Variants in SPDYE1 observed in about 807,000 individuals in gnomAD.
SPDYE1 encodes speedy/RINGO cell cycle regulator family member E1, also known as speedy protein E1.
A neutral mutation model predicts 45.9 loss-of-function variants in SPDYE1; 29 were observed. That is an observed-to-expected ratio of 0.63 (90% CI 0.47 to 0.86). The LOEUF (loss-of-function observed/expected upper bound fraction) is 0.86. Among genes scored for constraint, SPDYE1 ranks in the 40% least tolerant of loss-of-function variants. SPDYE1 has a pLI of 0.00. For missense variants in SPDYE1, 346 were observed against 481.4 expected (o/e 0.72, Z 2.63); for synonymous variants, 134 against 176.8 (o/e 0.76, Z 1.92).
intron 8 of SPDYE1, 69 bp downstream of exon 8, chr7:44,007,882 T>G (rs1183313524): frequency 7.7e-6 from 12 of 1,566,310 alleles, no homozygotes; most frequent in Non-Finnish European, 1.0e-5. Context: ...AGAACCCAAT[T>G]GCTTGATCCG....
rs2096060162 is a variant in SPDYE1 at position 43,999,782 on chromosome 7, G to A, written c.-168G>A. ...TGGTTGCCAGGTTGGCATGAACGAT[G>A]ACATCAGAGATTCCGACCTTCCTGA... On this transcript the variant is annotated 5_prime_UTR_variant, in exon 2 of 9. An upstream start codon of the reference 5' UTR is lost. Coordinates refer to ENST00000693451, the MANE Select transcript of SPDYE1 (RefSeq NM_001378423.2). Among the ~76,000 whole-genome samples, 1 of 146,184 alleles carries A rather than the reference G, an allele frequency of 6.8e-6. No homozygotes were observed. The highest frequency in any genetic ancestry group is 7.0e-5 in the Admixed American group (1 of 14,296).
chr7:43,999,996 G>A lies in SPDYE1; in HGVS notation c.47G>A (p.Gly16Glu), dbSNP rs2128775592. Residue 16 changes from glycine (G) to glutamate (E), a missense_variant, in exon 2 of 9, where the codon GGA (glycine) becomes GAA (glutamate). By Grantham distance (98) the Gly-to-Glu change is moderately conservative. Transcript: ENST00000693451. ...TRFRKRGQIT[G>E]KITTSRQPHR... ...TTCCGTAAGAGGGGACAGATTACGG[G>A]AAAGATCACGACCAGCCGTCAACCG... 1 of 984,770 alleles carries A rather than the reference G, an allele frequency of 1.0e-6. No homozygotes were observed. The highest frequency in any genetic ancestry group is 6.2e-5 in the Admixed American group (1 of 16,200). The allele number at this position is 984,770 out of a possible 1,614,324, so 61.0% of individuals were successfully genotyped here.
chr7:44,001,545 T>C (rs986714361), intron 3 of SPDYE1, among the ~76,000 whole-genome samples: 2 of 152,000 alleles, frequency 1.3e-5, no homozygotes, highest in African/African-American at 4.8e-5. Context: ...TCCTAGCACG[T>C]TGGGAGGCTG....
At chr7:44,008,001 G>T in intron 8 of SPDYE1, 188 bp downstream of exon 8, 3 of 1,446,404 alleles carry the variant, frequency 2.1e-6, no homozygotes, top group Non-Finnish European at 2.8e-6. Flanking sequence ...GGCCGAGGCG[G>T]GAGGATTGCT....
chr7:44,008,246 T>C (rs1585943226), intron 8 of SPDYE1, among the ~76,000 whole-genome samples: 2 of 152,204 alleles, frequency 1.3e-5, no homozygotes, highest in African/African-American at 2.4e-5. Flanking sequence ...CATGAGGAGG[T>C]AGGATTAAGG....
intron 8 of SPDYE1, among the ~76,000 whole-genome samples, chr7:44,008,109 T>C (rs4049474): frequency 6.6e-6 from 1 of 152,338 alleles, no homozygotes; most frequent in African/African-American, 2.4e-5. Context: ...TAATCATAAA[T>C]ACTGAGTTTG....
At chr7:44,002,382 T>C (rs1479589227) in intron 3 of SPDYE1, among the ~76,000 whole-genome samples, 1 of 123,758 alleles carries the variant, frequency 8.1e-6, no homozygotes, top group Non-Finnish European at 1.7e-5. Context: ...TATGAGGAAG[T>C]GTTCTGAGGA....
Position 44,002,592 on chromosome 7 carries a change from C to G in SPDYE1, c.382C>G (p.Pro128Ala), listed in dbSNP as rs745534195. 1.3e-5 allele frequency: 21 copies of G among 1,581,706 alleles called. No individual in the cohort carries two copies. The highest frequency in any genetic ancestry group is 1.7e-5 in the Non-Finnish European group (20 of 1,173,118). The change falls in exon 4 of 9, where the codon CCT becomes GCT. Residue 128 changes from proline to alanine, a missense_variant and splice_region_variant. Physicochemically the swap from Pro to Ala is conservative, Grantham distance 27. Around this residue, in one of 4 missense-constraint regions of SPDYE1, gnomAD observed 141 missense variants for 176.7 expected, o/e 0.80. Coordinates refer to ENST00000693451, the MANE Select transcript of SPDYE1 (RefSeq NM_001378423.2). ...CGTGGCCTGGTTTCTTTACTCAGCC[C>G]CTGGGGTAGATCCCAGCCCCCCGCA... is the stretch of plus-strand genomic sequence containing the variant. ...HHKDFNSQLAPGVDPSPPHRS... is the reference protein window; with the variant it reads ...HHKDFNSQLAAGVDPSPPHRS...
rs769300168 is a variant in SPDYE1 at position 44,001,275 on chromosome 7, A to G, written c.370A>G (p.Ser124Gly). 1 of 1,597,668 alleles carries G rather than the reference A, an allele frequency of 6.3e-7. No individual in the cohort carries two copies. Among genetic ancestry groups the G allele is most frequent in the East Asian group, 2.2e-5 (1 of 44,874 alleles). The stretch of plus-strand genomic sequence containing the variant: ...CCTTGAGCACCACAAGGACTTCAAC[A>G]GTCAGCTTGGTAGGAGGACACCCCA... ...ILLEHHKDFN[S>G]QLAPGVDPSP... Residue 124 changes from serine to glycine, a missense_variant, in exon 3 of 9, where the codon AGT (serine) becomes GGT (glycine). Physicochemically the swap from Ser to Gly is moderately conservative, Grantham distance 56 (BLOSUM62 0). Coordinates refer to ENST00000693451, the MANE Select transcript of SPDYE1 (RefSeq NM_001378423.2).
Position 44,009,015 on chromosome 7 carries a change from G to A in SPDYE1, c.*394G>A. 2.7e-6 allele frequency: 1 copy of A among 371,798 alleles called. No homozygotes were observed. The highest frequency in any genetic ancestry group is 2.0e-5 in the South Asian group (1 of 48,844). 23.0% of individuals were successfully genotyped at this position (371,798 alleles called of 1,614,324 possible). The stretch of plus-strand genomic sequence containing the variant: ...TACGGACTTGGTTGCCACAGTCCAG[G>A]AGCATTTGAAGGCACAATGCAGGGG... On this transcript the variant is annotated 3_prime_UTR_variant, in exon 9 of 9. Coordinates refer to ENST00000693451, the MANE Select transcript of SPDYE1 (RefSeq NM_001378423.2).
intron 7 of SPDYE1, 34 bp downstream of exon 7, chr7:44,007,620 G>C: frequency 6.2e-7 from 1 of 1,612,378 alleles, no homozygotes. Flanking sequence ...AGGAGGTGGG[G>C]AGGAATTGGG....
In SPDYE1 at chr7:44,008,881, G is replaced by T; in HGVS notation, c.*260G>T. The T allele has an allele frequency of 1.9e-6, 1 of 525,912 alleles. No individual in the cohort carries two copies. The highest frequency in any genetic ancestry group is 3.7e-6 in the Non-Finnish European group (1 of 267,948). 32.6% of individuals were successfully genotyped at this position (525,912 alleles called of 1,614,324 possible). On this transcript the variant is annotated 3_prime_UTR_variant, in exon 9 of 9. Transcript: ENST00000693451. Reference sequence around the variant, plus strand: ...TCCTTCTAGGAGTCCTTGGAGAAAAGTAAGAAACCAGGAGTGTTTCCAGTT... The same window carrying T: ...TCCTTCTAGGAGTCCTTGGAGAAAATTAAGAAACCAGGAGTGTTTCCAGTT...
Position 44,002,606 on chromosome 7 carries a change from C to T in SPDYE1, c.396C>T (p.Pro132=), listed in dbSNP as rs1362737215. 3.1e-6 allele frequency: 5 copies of T among 1,591,684 alleles called. No homozygotes were observed. The Admixed American group carries it at 5.1e-5, about 16-fold the overall frequency. ...FNSQLAPGVD[P]SPPHRSFCWK... ...TTTACTCAGCCCCTGGGGTAGATCCCAGCCCCCCGCATAGGTCCTTTTGCT... is the reference window on the plus strand; with the variant it reads ...TTTACTCAGCCCCTGGGGTAGATCCTAGCCCCCCGCATAGGTCCTTTTGCT... Residue 132 remains proline (P), a synonymous_variant, in exon 4 of 9, where the codon CCC becomes CCT. Transcript: ENST00000693451.
rs1054096803 is a variant in SPDYE1 at position 44,009,572 on chromosome 7, GAATT to G, written c.*953_*956del. On this transcript the variant is annotated 3_prime_UTR_variant, in exon 9 of 9. Coordinates refer to ENST00000693451, the MANE Select transcript of SPDYE1 (RefSeq NM_001378423.2). ...GTTTATTTTGAAAAACATGGGTATA[GAATT>G]ATTTAAATATTATTTTATTTATTTA... 138 of 148,450 alleles carry G rather than the reference GAATT, an allele frequency of 9.3e-4. 1 individual carries two copies. Among genetic ancestry groups the G allele is most frequent in the African/African-American group, 3.2e-3 (132 of 40,858 alleles). The allele number at this position is 148,450 out of a possible 1,614,324, so 9.2% of individuals were successfully genotyped here.
intron 4 of SPDYE1, 38 bp downstream of exon 4, chr7:44,002,855 C>T: frequency 1.6e-6 from 2 of 1,278,138 alleles, no homozygotes; most frequent in Non-Finnish European, 2.1e-6. Context: ...CAATCCTGTT[C>T]TTTCCAAAAA....
At chr7:44,005,278 C>T (rs764456922) in intron 6 of SPDYE1, 51 bp downstream of exon 6, 32 of 1,593,248 alleles carry the variant, frequency 2.0e-5, no homozygotes, top group Non-Finnish European at 2.4e-5. Flanking sequence ...CCTGGGACAG[C>T]GGGGGAAGTG....
At chr7:44,005,266 G>A in intron 6 of SPDYE1, 39 bp downstream of exon 6, 1 of 1,607,288 alleles carries the variant, frequency 6.2e-7, no homozygotes. Flanking sequence ...AATATCCAAT[G>A]CCCTGGGACA....
chr7:43,999,718 G>A lies in SPDYE1; in HGVS notation c.-232G>A, dbSNP rs2096060080. On this transcript the variant is annotated 5_prime_UTR_variant, in exon 2 of 9. Transcript: ENST00000693451. ...CATTCACCCAGGATCTCCAGGACAA[G>A]AGATCAGCCTGGCAGTTACATGTGT... 6.9e-6 allele frequency among the ~76,000 whole-genome samples: 1 copy of A among 145,056 alleles called. No individual in the cohort carries two copies. Among genetic ancestry groups the A allele is most frequent in the African/African-American group, 2.6e-5 (1 of 38,746 alleles).
At chr7:44,008,628 T>A (rs1244423362) in intron 8 of SPDYE1, 39 bp from the exon 9 acceptor site, 1 of 1,241,498 alleles carries the variant, frequency 8.1e-7, no homozygotes, top group African/African-American at 1.6e-5. Context: ...TCTAGAGAGC[T>A]GCCTCCTTGA....
Sources: allele counts gnomAD v4.1 joint callset (sites outside exome capture counted in the v4.1 genomes callset), GRCh38; gene constraint gnomAD v4.1.1; regional missense constraint gnomAD v4.1.1; transcripts MANE v1.5; gene names NCBI Gene and HGNC (gene_info 2026-07-23, HGNC 2026-07-21).